The following BTBD3 variants were observed in gnomAD, a reference collection of about 807,000 sequenced individuals.
The protein encoded by BTBD3 is BTB domain containing 3.
In BTBD3, 14 loss-of-function variants were observed where a neutral mutation model predicts 41.6. That is an observed-to-expected ratio of 0.34 (90% CI 0.22 to 0.53). The LOEUF (loss-of-function observed/expected upper bound fraction) is 0.53, where lower values mean the gene tolerates loss of function less well. Among genes scored for constraint, BTBD3 ranks in the 20% least tolerant of loss-of-function variants. The pLI is 0.95. For missense variants in BTBD3, 426 were observed against 654.7 expected (o/e 0.65, Z 3.81); for synonymous variants, 249 against 233.7 (o/e 1.07, Z -0.60).
At chr20:11,894,206 G>C (rs1047986087) in intron 1 of BTBD3, among the ~76,000 whole-genome samples, 5 of 152,236 alleles carry the variant, frequency 3.3e-5, no homozygotes, top group African/African-American at 1.2e-4. Flanking sequence ...ACCAAATGAC[G>C]TAGGCTCAGT....
intron 1 of BTBD3, among the ~76,000 whole-genome samples, chr20:11,904,989 A>C (rs560778467): frequency 3.9e-5 from 6 of 152,348 alleles, no homozygotes; most frequent in South Asian, 2.1e-4. Flanking sequence ...GAGTTATGCA[A>C]ATCTTTCAAG....
chr20:11,919,240 C>T (rs2056943976), intron 2 of BTBD3, 64 bp downstream of exon 2: 2 of 1,492,170 alleles, frequency 1.3e-6, no homozygotes, highest in Non-Finnish European at 1.8e-6. Context: ...TTTCCATAAG[C>T]CTGTAACTTG....
intron 1 of BTBD3, chr20:11,892,585 ATACT>A (rs1358194772): frequency 6.6e-6 from 1 of 152,218 alleles, no homozygotes; most frequent in Non-Finnish European, 1.5e-5. Flanking sequence ...TCTTTCTGAG[ATACT>A]TACAGATTAT....
rs1285565569 is a variant in BTBD3 at position 11,918,330 on chromosome 20, C to T, written c.55C>T (p.Pro19Ser). 1.9e-6 allele frequency: 3 copies of T among 1,612,062 alleles called. No individual in the cohort carries two copies. The highest frequency in any genetic ancestry group is 2.5e-6 in the Non-Finnish European group (3 of 1,179,464). Residue 19 changes from proline to serine, a missense_variant, in exon 1 of 4, where the codon CCA becomes TCA. This residue lies in a region of BTBD3 where 53 missense variants were observed against 74.8 expected (regional missense o/e 0.71). Transcript: ENST00000378226. The part of the protein sequence containing the change: ...MKCLTFFLML[P>S]ETVKNRSKKS... ...ATGTCTCACCTTCTTCTTGATGCTT[C>T]CAGAGACGGTAAAGAACAGGTCCAA... is the stretch of plus-strand genomic sequence containing the variant.
intron 3 of BTBD3, among the ~76,000 whole-genome samples, chr20:11,921,950 A>G (rs2294967): frequency 0.8 from 121,113 of 152,180 alleles, 48,498 homozygotes; most frequent in Non-Finnish European, 0.84. Context: ...GCACAGGAAT[A>G]ATACATATTT....
At chr20:11,908,460 A>T (rs149446721) in intron 1 of BTBD3, among the ~76,000 whole-genome samples, 1 of 150,680 alleles carries the variant, frequency 6.6e-6, no homozygotes, top group Non-Finnish European at 1.5e-5. Flanking sequence ...CCCTATTGTT[A>T]TGTGATGCAG....
At chr20:11,918,848 C>T in intron 1 of BTBD3, 1 of 565,006 alleles carries the variant, frequency 1.8e-6, no homozygotes, top group East Asian at 3.0e-5. Flanking sequence ...AAAATGGGAA[C>T]CTTTTATTTG....
chr20:11,904,330 C>G (rs1028004121), intron 1 of BTBD3, among the ~76,000 whole-genome samples: 1 of 152,144 alleles, frequency 6.6e-6, no homozygotes, highest in Non-Finnish European at 1.5e-5. Flanking sequence ...TATGCACTTT[C>G]AAACAACCAG....
chr20:11,890,854 C>T (rs1046290125), exon 1 of BTBD3: 7 of 985,094 alleles, frequency 7.1e-6, no homozygotes, highest in East Asian at 1.1e-4. Flanking sequence ...CCGAGCCCGC[C>T]GGGCGCTGGA....
chr20:11,909,662 A>G (rs1014445372), intron 1 of BTBD3: 1 of 152,192 alleles, frequency 6.6e-6, no homozygotes, highest in Admixed American at 6.5e-5. Flanking sequence ...TTGTAAAACA[A>G]AGGATAGCAT....
intron 1 of BTBD3, among the ~76,000 whole-genome samples, chr20:11,906,155 AG>A (rs2056852271): frequency 6.6e-6 from 1 of 151,776 alleles, no homozygotes; most frequent in Non-Finnish European, 1.5e-5. Flanking sequence ...CTGGTGGTAA[AG>A]GTTCCATAAA....
intron 1 of BTBD3, among the ~76,000 whole-genome samples, chr20:11,901,576 C>A (rs964380765): frequency 6.6e-6 from 1 of 152,026 alleles, no homozygotes; most frequent in African/African-American, 2.4e-5. Flanking sequence ...AATTTAATAC[C>A]ATTCAATAAG....
intron 1 of BTBD3, among the ~76,000 whole-genome samples, chr20:11,898,752 C>T (rs141236943): frequency 2.8e-4 from 43 of 152,216 alleles, no homozygotes; most frequent in Middle Eastern, 3.4e-3. Context: ...CTTATCCCAC[C>T]AGCAAGGGAG....
intron 1 of BTBD3, among the ~76,000 whole-genome samples, chr20:11,908,714 T>G (rs113295319): frequency 3.9e-5 from 6 of 152,294 alleles, no homozygotes; most frequent in African/African-American, 1.4e-4. Context: ...ATACATGTGA[T>G]AAAGCTAGGT....
At chr20:11,905,263 G>C (rs775684404) in intron 1 of BTBD3, among the ~76,000 whole-genome samples, 2 of 151,348 alleles carry the variant, frequency 1.3e-5, no homozygotes, top group African/African-American at 4.9e-5. Context: ...ATACTTTGCT[G>C]CTTCTGTCAA....
chr20:11,918,689 A>T (rs534153177), intron 1 of BTBD3, 88 bp downstream of exon 1: 22 of 1,360,348 alleles, frequency 1.6e-5, no homozygotes, highest in Non-Finnish European at 2.2e-5. Flanking sequence ...TTTGAACACA[A>T]ATCTGTTTCC....
rs983485908 is a variant in BTBD3, at chr20:11,925,592, A to G, written c.*1926A>G. ...TACAGGTAGTTTGGCAAAGCATTGA[A>G]GTACAAAGGTACATTTTCAATTAAA... is the stretch of plus-strand genomic sequence containing the variant. On this transcript the variant is annotated 3_prime_UTR_variant, in exon 4 of 4. Transcript: ENST00000378226. The G allele has an allele frequency of 4.6e-5, 7 of 152,686 alleles. No homozygotes were observed. The highest frequency in any genetic ancestry group is 1.7e-4 in the African/African-American group (7 of 41,476). 9.5% of individuals were successfully genotyped at this position (152,686 alleles called of 1,614,324 possible).
chr20:11,901,608 C>T (rs950560133), intron 1 of BTBD3, among the ~76,000 whole-genome samples: 1 of 152,164 alleles, frequency 6.6e-6, no homozygotes, highest in African/African-American at 2.4e-5. Context: ...GATCAGCTCA[C>T]GCGTACTTGA....
chr20:11,909,535 A>G (rs1466379129), intron 1 of BTBD3: 1 of 152,122 alleles, frequency 6.6e-6, no homozygotes, highest in Non-Finnish European at 1.5e-5. Context: ...AACTTCATGT[A>G]TGTTTAAGTT....
Sources: gnomAD v4.1 joint callset for allele counts (sites outside exome capture counted in the v4.1 genomes callset) on GRCh38, gnomAD v4.1.1 for gene constraint, gnomAD v4.1.1 regional missense constraint, MANE v1.5 for transcripts, NCBI Gene and HGNC (gene_info 2026-07-23, HGNC 2026-07-21) for gene names.